The following MYBPC3 variants were observed in gnomAD, a reference collection of about 807,000 sequenced individuals.
The protein encoded by MYBPC3 is myosin-binding protein C, cardiac-type.
In MYBPC3, 108 loss-of-function variants were observed where a neutral mutation model predicts 159.3. That is an observed-to-expected ratio of 0.68 (90% CI 0.58 to 0.80). MYBPC3 has a LOEUF of 0.80. Among genes scored for constraint, MYBPC3 ranks in the 30% least tolerant of loss-of-function variants. MYBPC3 has a pLI of 0.00. For missense variants in MYBPC3, 1,631 were observed against 1,762.1 expected (o/e 0.93, Z 1.33); for synonymous variants, 730 against 702.0 (o/e 1.04, Z -0.63).
chr11:47,342,638 C>T lies in MYBPC3; in HGVS notation c.1564G>A (p.Ala522Thr), dbSNP rs11570082. 594 of 1,613,972 alleles carry T rather than the reference C, an allele frequency of 3.7e-4. 2 individuals are homozygous for T. Among genetic ancestry groups the T allele is most frequent in the African/African-American group, 3.6e-3 (272 of 75,050 alleles). ...LIINEAMLED[A>T]GHYALCTSGG... ...CTAGTGCACAGTGCATAGTGCCCCG[C>T]GTCCTCCAGCATGGCCTCGTTGATG... Residue 522 changes from alanine to threonine, a missense_variant, in exon 17 of 35, where the codon GCG becomes ACG. Physicochemically the swap from Ala to Thr is moderately conservative, Grantham distance 58 (BLOSUM62 0). Coordinates refer to ENST00000545968, the MANE Select transcript of MYBPC3 (RefSeq NM_000256.3).
chr11:47,333,704 C>T lies in MYBPC3; in HGVS notation c.3043G>A (p.Ala1015Thr), dbSNP rs781685082. The T allele has an allele frequency of 6.2e-7, 1 of 1,609,640 alleles. No homozygotes were observed. The highest frequency in any genetic ancestry group is 8.5e-7 in the Non-Finnish European group (1 of 1,178,702). The change falls in exon 29 of 35, where the codon GCA becomes ACA. Residue 1015 changes from alanine (A) to threonine (T), a missense_variant. Coordinates refer to ENST00000545968, the MANE Select transcript of MYBPC3 (RefSeq NM_000256.3). ...TTGCGGATGCTCACCTCCTCGCCTG[C>T]CAGGGGCTGCCCCTCTTTGGTCCAG... Reference protein sequence around the residue: ...VTWTKEGQPLAGEEVSIRNSP... With the variant: ...VTWTKEGQPLTGEEVSIRNSP...
At position 47,332,836 on chromosome 11, in the gene MYBPC3, C is replaced by T. The variant is rs1404774456; in HGVS notation, c.3468G>A (p.Glu1156=). ...CACCTGGTCTGGGGATAAAGACGGG[C>T]TCCTTGGTGGTGGCCGCTCTGTCAC... ...GFSDRAATTK[E]PVFIPRPGIT... is the part of the protein sequence containing the mutation. Residue 1156 remains glutamate (E), a synonymous_variant, in exon 31 of 35, where the codon GAG becomes GAA. Coordinates refer to ENST00000545968, the MANE Select transcript of MYBPC3 (RefSeq NM_000256.3). This position sits in a 1 kb window ranked among gnomAD's most constrained non-coding sequence, Gnocchi z 4.2. 4 of 1,607,272 alleles carry T rather than the reference C, an allele frequency of 2.5e-6. No individual in the cohort carries two copies. In the African/African-American group the frequency reaches 5.3e-5, roughly 21 times the overall value.
intron 8 of MYBPC3, 31 bp downstream of exon 8, chr11:47,347,620 A>T (rs2095895588): frequency 6.4e-7 from 1 of 1,568,754 alleles, no homozygotes; most frequent in African/African-American, 1.4e-5. Context: ...GGGTCTGCGG[A>T]TGGTGCAGGT....
At position 47,346,243 on chromosome 11, in the gene MYBPC3, G is replaced by C. The variant is rs1277891320; in HGVS notation, c.1054C>G (p.Leu352Val). 6.2e-7 allele frequency: 1 copy of C among 1,613,804 alleles called. No individual in the cohort carries two copies. Among genetic ancestry groups the C allele is most frequent in the Non-Finnish European group, 8.5e-7 (1 of 1,179,856 alleles). ...VTDLRGMLKRLKGMRRDEKKS... is the reference protein window; with the variant it reads ...VTDLRGMLKRVKGMRRDEKKS... ...TTCTCATCGCGCCTCATGCCCTTGAGCCTCTTTAGCATGCCGCGCAGGTCA... is the reference window on the plus strand; with the variant it reads ...TTCTCATCGCGCCTCATGCCCTTGACCCTCTTTAGCATGCCGCGCAGGTCA... Residue 352 changes from leucine (L) to valine (V), a missense_variant, in exon 12 of 35, where the codon CTC becomes GTC. Physicochemically the swap from Leu to Val is conservative, Grantham distance 32. Coordinates refer to ENST00000545968, the MANE Select transcript of MYBPC3 (RefSeq NM_000256.3). The surrounding 1 kb of genome is among the most constrained non-coding windows in gnomAD (Gnocchi z 5.3).
chr11:47,339,315 C>G lies in MYBPC3; in HGVS notation c.2148+9G>C, dbSNP rs1289773935. On this transcript the variant is annotated intron_variant, in intron 22 of 34. Transcript: ENST00000545968. ...AAACGAGCCTCCTCCTGACCTCAGTCTCACTCACCTTCTTGTCAAACACCC... is the reference window on the plus strand; with the variant it reads ...AAACGAGCCTCCTCCTGACCTCAGTGTCACTCACCTTCTTGTCAAACACCC... 6.2e-7 allele frequency: 1 copy of G among 1,613,824 alleles called. No individual in the cohort carries two copies. The highest frequency in any genetic ancestry group is 1.7e-5 in the Admixed American group (1 of 60,036).
rs2142861647 is a variant in MYBPC3, at chr11:47,343,040, G to A, written c.1332C>T (p.Ser444=). Residue 444 remains serine, a synonymous_variant, in exon 15 of 35, where the codon AGC becomes AGT. Transcript: ENST00000545968. ...GCCCACCTTTCACAAAGAGCTCCGT[G>A]CTACACTTCTCGCCACCCACCACGC... ...YQCVVGGEKC[S]TELFVKEPPV... 3 of 1,613,246 alleles carry A rather than the reference G, an allele frequency of 1.9e-6. No individual in the cohort carries two copies. The East Asian group carries it at 6.7e-5, about 36-fold the overall frequency.
chr11:47,349,981 A>T, intron 4 of MYBPC3, 33 bp downstream of exon 4: 2 of 1,556,180 alleles, frequency 1.3e-6, no homozygotes, highest in South Asian at 1.2e-5. Context: ...CCCCCTTCCC[A>T]CCCCAATGCT....
rs2254240 is a variant in MYBPC3, at chr11:47,335,619, G to A, written c.2737+258C>T. The A allele has an allele frequency of 0.24, 92,857 of 382,274 alleles. 14,452 individuals carry two copies. Among genetic ancestry groups the A allele is most frequent in the East Asian group, 0.59 (13,753 of 23,138 alleles). 23.7% of individuals were successfully genotyped at this position (382,274 alleles called of 1,614,324 possible). A position where few individuals can be genotyped will look rare whatever the true frequency, so the allele number is the denominator to read the frequency against. On this transcript the variant is annotated intron_variant, in intron 26 of 34. Transcript: ENST00000545968. ...TGGGATTACAGGCGTAAGCCATCGCGCCTGGCCTTAAATATGTTTTTAAAA... is the reference window on the plus strand; with the variant it reads ...TGGGATTACAGGCGTAAGCCATCGCACCTGGCCTTAAATATGTTTTTAAAA...
In MYBPC3 at chr11:47,338,417, A is replaced by C; in HGVS notation, c.2308+103T>G. ...TGTCCTGTTGCCGCTCGGCTCAGGG[A>C]GCATGCCCGTGATGTTTGTCGAGTG... On this transcript the variant is annotated intron_variant, in intron 23 of 34. Coordinates refer to ENST00000545968, the MANE Select transcript of MYBPC3 (RefSeq NM_000256.3). The surrounding 1 kb of genome is among the most constrained non-coding windows in gnomAD (Gnocchi z 4.7). The C allele has an allele frequency of 2.6e-6, 4 of 1,516,850 alleles. No homozygotes were observed. The highest frequency in any genetic ancestry group is 3.6e-6 in the Non-Finnish European group (4 of 1,112,304). 94.0% of individuals were successfully genotyped at this position (1,516,850 alleles called of 1,614,324 possible).
intron 29 of MYBPC3, 55 bp downstream of exon 29, chr11:47,333,502 C>A (rs2095879324): frequency 6.3e-7 from 1 of 1,591,358 alleles, no homozygotes; most frequent in East Asian, 2.2e-5. Flanking sequence ...TTGGCCCCAG[C>A]AGCCCAGCCC....
chr11:47,351,621 T>C lies in MYBPC3; in HGVS notation c.26-116A>G. On this transcript the variant is annotated intron_variant, in intron 1 of 34. Transcript: ENST00000545968. The surrounding 1 kb of genome is among the most constrained non-coding windows in gnomAD (Gnocchi z 4.2). ...TTCTATGCATCCCCTCACGTAATAC[T>C]CTACCAGTTCTCTGAGGTAGTTGCA... 8.5e-7 allele frequency: 1 copy of C among 1,171,452 alleles called. No individual in the cohort carries two copies. Among genetic ancestry groups the C allele is most frequent in the Non-Finnish European group, 1.2e-6 (1 of 868,614 alleles). 72.6% of individuals were successfully genotyped at this position (1,171,452 alleles called of 1,614,324 possible).
Position 47,338,504 on chromosome 11 carries a change from C to T in MYBPC3, c.2308+16G>A, listed in dbSNP as rs746518586. On this transcript the variant is annotated intron_variant, in intron 23 of 34. Transcript: ENST00000545968. This position sits in a 1 kb window ranked among gnomAD's most constrained non-coding sequence, Gnocchi z 4.7. ...GCCCCTCTGTGTTCTCCAGCTTGGA[C>T]CCCGGCCGGCCTCACCGATGACCTT... 2 of 1,613,910 alleles carry T rather than the reference C, an allele frequency of 1.2e-6. No homozygotes were observed. Among genetic ancestry groups the T allele is most frequent in the Non-Finnish European group, 1.7e-6 (2 of 1,179,840 alleles).
At chr11:47,349,476 G>A (rs887656093) in intron 5 of MYBPC3, among the ~76,000 whole-genome samples, 2 of 151,900 alleles carry the variant, frequency 1.3e-5, no homozygotes, top group Middle Eastern at 3.4e-3. Context: ...TGACCACCCT[G>A]GGCGACCCCC....
chr11:47,341,963 G>A (rs1222316234), intron 18 of MYBPC3, 28 bp downstream of exon 18: 1 of 1,551,856 alleles, frequency 6.4e-7, no homozygotes, highest in Non-Finnish European at 8.7e-7. Flanking sequence ...GTCTCCACCT[G>A]TCCCATCCAC....
intron 34 of MYBPC3, 42 bp from the exon 35 acceptor site, chr11:47,331,758 C>T (rs2095875789): frequency 2.2e-6 from 3 of 1,349,920 alleles, no homozygotes; most frequent in African/African-American, 1.5e-5. Context: ...AGGGCCCCTA[C>T]AGCCTCCCAT....
At position 47,346,168 on chromosome 11, in the gene MYBPC3, G is replaced by A. The variant is rs1255385021; in HGVS notation, c.1090+39C>T. ...TCCTCTCCTGTGTAGGGAAGGGCTA[G>A]CCTGTGCCCTCTCCTCTCCCCTCTG... On this transcript the variant is annotated intron_variant, in intron 12 of 34. Transcript: ENST00000545968. The surrounding 1 kb of genome is among the most constrained non-coding windows in gnomAD (Gnocchi z 5.3). The A allele has an allele frequency of 1.2e-6, 2 of 1,610,536 alleles. No homozygotes were observed. The highest frequency in any genetic ancestry group is 1.7e-6 in the Non-Finnish European group (2 of 1,178,400).
chr11:47,351,269 C>T lies in MYBPC3; in HGVS notation c.262G>A (p.Val88Ile). The change falls in exon 2 of 35, where the codon GTC (valine) becomes ATC (isoleucine). Residue 88 changes from valine (V) to isoleucine (I), a missense_variant. Coordinates refer to ENST00000545968, the MANE Select transcript of MYBPC3 (RefSeq NM_000256.3). This position sits in a 1 kb window ranked among gnomAD's most constrained non-coding sequence, Gnocchi z 4.2. ...SYAVIAGSSK[V>I]KFDLKVIEAE... ...TCTATGACCTTGAGGTCGAACTTGA[C>T]CTTGGAGGAGCCAGCAATGACTGCG... 6.5e-7 allele frequency: 1 copy of T among 1,548,190 alleles called. No individual in the cohort carries two copies. The highest frequency in any genetic ancestry group is 8.8e-7 in the Non-Finnish European group (1 of 1,141,394).
At position 47,343,013 on chromosome 11, in the gene MYBPC3, A is replaced by G; in HGVS notation, c.1351+8T>C. ...CCAGGTTCCCACATCCTCAGGTCCC[A>G]GGCCCACCTTTCACAAAGAGCTCCG... On this transcript the variant is annotated splice_region_variant and intron_variant, in intron 15 of 34. Transcript: ENST00000545968. The G allele has an allele frequency of 6.2e-7, 1 of 1,613,152 alleles. No homozygotes were observed. The highest frequency in any genetic ancestry group is 8.5e-7 in the Non-Finnish European group (1 of 1,179,782).
Position 47,341,201 on chromosome 11 carries a change from C to CGAACTT in MYBPC3, c.1833_1834insAAGTTC (p.Glu611_Ala612insLysPhe). 2 of 1,592,066 alleles carry CGAACTT rather than the reference C, an allele frequency of 1.3e-6. No individual in the cohort carries two copies. Among genetic ancestry groups the CGAACTT allele is most frequent in the Admixed American group, 1.8e-5 (1 of 57,132 alleles). ...CCCTCGGGCACAAAGCTGTAGTCAG[C>CGAACTT]CTCGTCGGCAGGTGTGACGTCGTCA... On this transcript the variant is annotated inframe_insertion, in exon 19 of 35. Transcript: ENST00000545968.
Sources: gnomAD v4.1 joint callset for allele counts (sites outside exome capture counted in the v4.1 genomes callset) on GRCh38, gnomAD v4.1.1 for gene constraint, Gnocchi (gnomAD v3.1) non-coding constraint, MANE v1.5 for transcripts, NCBI Gene and HGNC (gene_info 2026-07-23, HGNC 2026-07-21) for gene names.